The following CADM2 variants were observed in gnomAD, a reference collection of about 807,000 sequenced individuals.
The protein encoded by CADM2 is cell adhesion molecule 2.
A neutral mutation model predicts 49.8 loss-of-function variants in CADM2; 12 were observed. The ratio of observed to expected loss-of-function variants is 0.24; its 90% confidence interval spans 0.15 to 0.39. CADM2 has a LOEUF of 0.39. Among genes scored for constraint, CADM2 ranks in the 10% least tolerant of loss-of-function variants. The probability of loss-of-function intolerance (pLI) is 1.00; values close to 1 mark genes in which losing one functional copy is unlikely to be tolerated. For missense variants in CADM2, 378 were observed against 492.3 expected (o/e 0.77, Z 2.20); for synonymous variants, 214 against 175.4 (o/e 1.22, Z -1.74).
At chr3:85,484,391 CT>C (rs2039334583) in intron 1 of CADM2, among the ~76,000 whole-genome samples, 1 of 151,872 alleles carries the variant, frequency 6.6e-6, no homozygotes, top group African/African-American at 2.4e-5. Flanking sequence ...TTATGTAAAC[CT>C]TTAACAGTAT....
At chr3:85,555,952 A>G (rs1346974702) in intron 1 of CADM2, among the ~76,000 whole-genome samples, 3 of 152,144 alleles carry the variant, frequency 2.0e-5, no homozygotes, top group Non-Finnish European at 4.4e-5. Context: ...TACTGTCTGT[A>G]TATCTTGTAT....
chr3:85,063,473 A>G (rs2036411769), intron 1 of CADM2, among the ~76,000 whole-genome samples: 1 of 152,036 alleles, frequency 6.6e-6, no homozygotes, highest in Non-Finnish European at 1.5e-5. Flanking sequence ...ATAGACACAG[A>G]CACAAGATAG....
chr3:85,245,382 G>T (rs2042623034), intron 1 of CADM2, among the ~76,000 whole-genome samples: 1 of 151,858 alleles, frequency 6.6e-6, no homozygotes, highest in South Asian at 2.1e-4. Flanking sequence ...TGTGGTGACG[G>T]GCGCCTGTAG....
chr3:86,048,344 A>G (rs1214341286), intron 8 of CADM2, among the ~76,000 whole-genome samples: 1 of 151,954 alleles, frequency 6.6e-6, no homozygotes, highest in Non-Finnish European at 1.5e-5. Context: ...GTAGGAGAAA[A>G]ATATGAATTA....
intron 1 of CADM2, among the ~76,000 whole-genome samples, chr3:85,448,806 T>C (rs1278948825): frequency 6.6e-6 from 1 of 151,860 alleles, no homozygotes; most frequent in Non-Finnish European, 1.5e-5. Context: ...ATCCCAGCAC[T>C]TTGGGAGGTC....
intron 1 of CADM2, among the ~76,000 whole-genome samples, chr3:85,006,416 GAAAT>G (rs4053358): frequency 0.055 from 8,356 of 151,964 alleles, 268 homozygotes; most frequent in Admixed American, 0.091. Context: ...AGCAGCATGT[GAAAT>G]AAATAAATAA....
At chr3:85,817,685 AC>A (rs1271880870) in intron 3 of CADM2, among the ~76,000 whole-genome samples, 7 of 152,148 alleles carry the variant, frequency 4.6e-5, no homozygotes, top group Non-Finnish European at 1.0e-4. Context: ...GTGATCTTGA[AC>A]CGACCTTGAC....
intron 1 of CADM2, among the ~76,000 whole-genome samples, chr3:85,610,831 C>A (rs2063663125): frequency 6.6e-6 from 1 of 151,828 alleles, no homozygotes; most frequent in South Asian, 2.1e-4. Flanking sequence ...TTATGAATAT[C>A]TTTTTATTTG....
chr3:85,438,714 C>G (rs899422704), intron 1 of CADM2, among the ~76,000 whole-genome samples: 1 of 151,830 alleles, frequency 6.6e-6, no homozygotes, highest in Admixed American at 6.6e-5. Context: ...ACTCTGTTAC[C>G]CAGGTTGTAG....
intron 8 of CADM2, chr3:86,027,761 A>T (rs1249179820): frequency 6.6e-6 from 1 of 152,114 alleles, no homozygotes; most frequent in Non-Finnish European, 1.5e-5. Context: ...TAACTTTTCA[A>T]TTTTAAAAGT....
chr3:85,220,083 C>T (rs1329668093), intron 1 of CADM2, among the ~76,000 whole-genome samples: 1 of 151,946 alleles, frequency 6.6e-6, no homozygotes, highest in African/African-American at 2.4e-5. Flanking sequence ...TCTTGTTTTC[C>T]ATACCTCTGA....
intron 1 of CADM2, among the ~76,000 whole-genome samples, chr3:85,218,712 C>A (rs941644497): frequency 2.0e-5 from 3 of 152,168 alleles, no homozygotes; most frequent in Admixed American, 1.3e-4. Flanking sequence ...AGGAGAGTCA[C>A]TTGAACTCGG....
intron 8 of CADM2, among the ~76,000 whole-genome samples, chr3:85,991,413 G>T (rs898478847): frequency 2.0e-5 from 3 of 152,182 alleles, no homozygotes; most frequent in Admixed American, 1.3e-4. Context: ...GGATAAAACA[G>T]AATTGCATTG....
At chr3:86,018,386 T>C (rs1341634206) in intron 8 of CADM2, among the ~76,000 whole-genome samples, 1 of 151,044 alleles carries the variant, frequency 6.6e-6, no homozygotes, top group African/African-American at 2.4e-5. Context: ...CCTTTGGGTA[T>C]ATACCCAGTA....
intron 1 of CADM2, among the ~76,000 whole-genome samples, chr3:85,338,431 A>C (rs987937999): frequency 2.0e-5 from 3 of 151,596 alleles, no homozygotes; most frequent in African/African-American, 7.2e-5. Flanking sequence ...CAATCTTCAT[A>C]GTAAGTAATC....
rs1739513834 is a variant in CADM2, at chr3:86,068,040, G to A, written c.*1257G>A. The stretch of plus-strand genomic sequence containing the variant: ...CAAATTTTCATTTTGCAGTTCCAGA[G>A]CTGCTTACCTATGTTGGTTTGCCAA... On this transcript the variant is annotated 3_prime_UTR_variant, in exon 10 of 10. Transcript: ENST00000383699. 6.6e-6 allele frequency: 1 copy of A among 152,316 alleles called. No homozygotes were observed. The highest frequency in any genetic ancestry group is 1.5e-5 in the Non-Finnish European group (1 of 67,848). The allele number at this position is 152,316 out of a possible 1,614,324, so 9.4% of individuals were successfully genotyped here.
intron 1 of CADM2, among the ~76,000 whole-genome samples, chr3:85,091,523 A>G (rs2107524448): frequency 6.6e-6 from 1 of 152,306 alleles, no homozygotes; most frequent in East Asian, 1.9e-4. Flanking sequence ...GAAGATACTG[A>G]AAATAAAATA....
chr3:85,103,966 T>A (rs2038112239), intron 1 of CADM2, among the ~76,000 whole-genome samples: 1 of 152,144 alleles, frequency 6.6e-6, no homozygotes, highest in Non-Finnish European at 1.5e-5. Flanking sequence ...GAGAAATAAA[T>A]TTGATGATTT....
chr3:85,612,586 G>T (rs1258723620), intron 1 of CADM2, among the ~76,000 whole-genome samples: 1 of 151,684 alleles, frequency 6.6e-6, no homozygotes, highest in Non-Finnish European at 1.5e-5. Context: ...AGTTAAGTAT[G>T]TTAGGTTTAC....
Sources: gnomAD v4.1 joint callset for allele counts (sites outside exome capture counted in the v4.1 genomes callset) on GRCh38, gnomAD v4.1.1 for gene constraint, MANE v1.5 for transcripts, NCBI Gene and HGNC (gene_info 2026-07-23, HGNC 2026-07-21) for gene names.